ZBTB20: variants seen among roughly 807,000 people sequenced by gnomAD.
ZBTB20 encodes the protein zinc finger and BTB domain-containing protein 20.
In ZBTB20, 9 loss-of-function variants were observed where a neutral mutation model predicts 56.9. The ratio of observed to expected loss-of-function variants is 0.16; its 90% CI spans 0.10 to 0.28. The LOEUF is 0.28. Among genes scored for constraint, ZBTB20 ranks in the 10% least tolerant of loss-of-function variants. The probability of loss-of-function intolerance (pLI) is 1.00; values close to 1 mark genes in which losing one functional copy is unlikely to be tolerated. For synonymous variants in ZBTB20, 417 were observed against 420.7 expected (o/e 0.99, Z 0.11); for missense variants, 655 against 1,003.0 (o/e 0.65, Z 4.69).
intron 3 of ZBTB20, among the ~76,000 whole-genome samples, chr3:114,948,931 G>T (rs1464402434): frequency 6.9e-6 from 1 of 145,894 alleles, no homozygotes; most frequent in Non-Finnish European, 1.5e-5. Context: ...TTAACAAGCA[G>T]ATTCTAACAT....
At chr3:114,927,903 A>AT (rs1049847348) in intron 3 of ZBTB20, among the ~76,000 whole-genome samples, 1 of 152,208 alleles carries the variant, frequency 6.6e-6, no homozygotes, top group Non-Finnish European at 1.5e-5. Context: ...CTGTAAGAAA[A>AT]TTATCATTTT....
At chr3:115,129,736 C>A (rs560995199) in intron 1 of ZBTB20, among the ~76,000 whole-genome samples, 1 of 152,292 alleles carries the variant, frequency 6.6e-6, no homozygotes, top group Middle Eastern at 3.4e-3. Flanking sequence ...AGACTTCCCA[C>A]AAAATATTCC....
intron 4 of ZBTB20, among the ~76,000 whole-genome samples, chr3:114,860,811 T>C (rs987881893): frequency 8.5e-5 from 13 of 152,224 alleles, no homozygotes; most frequent in Admixed American, 1.3e-4. Flanking sequence ...AGAATAGACA[T>C]AGTCCTGTGC....
chr3:114,949,116 C>T lies in ZBTB20; in HGVS notation c.-456+25250G>A, dbSNP rs1184694580. Among the ~76,000 whole-genome samples the T allele has an allele frequency of 1.4e-5, 2 of 145,920 alleles. 1 individual carries two copies. The highest frequency in any genetic ancestry group is 5.6e-5 in the African/African-American group (2 of 35,726). Reference sequence around the variant, plus strand: ...CTGGAATAAGAGTCCAGAAATATGTCCATGAATATGTAGGCAGTACATTTA... The same window carrying T: ...CTGGAATAAGAGTCCAGAAATATGTTCATGAATATGTAGGCAGTACATTTA... On this transcript the variant is annotated intron_variant, in intron 3 of 11. Transcript: ENST00000675478.
intron 1 of ZBTB20, among the ~76,000 whole-genome samples, chr3:115,145,694 G>A (rs1171591332): frequency 2.0e-5 from 3 of 152,200 alleles, no homozygotes; most frequent in African/African-American, 7.2e-5. Flanking sequence ...GACCGGGAGT[G>A]GAGGGGGATC....
intron 2 of ZBTB20, among the ~76,000 whole-genome samples, chr3:115,005,938 C>G (rs866542027): frequency 6.6e-6 from 1 of 151,836 alleles, no homozygotes; most frequent in Non-Finnish European, 1.5e-5. Flanking sequence ...TCAATCTACT[C>G]TCTTTTTAGC....
chr3:114,729,461 TG>T (rs1200570869), intron 5 of ZBTB20, among the ~76,000 whole-genome samples: 1 of 152,198 alleles, frequency 6.6e-6, no homozygotes, highest in Admixed American at 6.5e-5. Context: ...CTTGTGTAGT[TG>T]GTGTTGCTAT....
chr3:115,132,522 T>C (rs1254115840), intron 1 of ZBTB20, among the ~76,000 whole-genome samples: 1 of 152,242 alleles, frequency 6.6e-6, no homozygotes, highest in Non-Finnish European at 1.5e-5. Context: ...CAACTGTATA[T>C]GATAAAGCCT....
At chr3:115,038,721 A>T (rs774763572) in intron 2 of ZBTB20, among the ~76,000 whole-genome samples, 1 of 152,126 alleles carries the variant, frequency 6.6e-6, no homozygotes, top group African/African-American at 2.4e-5. Context: ...GTAAACTATT[A>T]ACGTCATTAT....
rs144668563 is a variant in ZBTB20, at chr3:114,684,622, T to C, written c.-295+8906A>G. ...TCCTGCATTGCTACAAGGATGAAGG[T>C]GGGGTTATTTAAAAATTTACCAAGC... On this transcript the variant is annotated intron_variant, in intron 6 of 11. Transcript: ENST00000675478. 6 of 152,298 alleles carry C rather than the reference T, an allele frequency of 3.9e-5. No individual in the cohort carries two copies. In the South Asian group the frequency reaches 1.2e-3, roughly 32 times the overall value. The allele number at this position is 152,298 out of a possible 1,614,324, so 9.4% of individuals were successfully genotyped here. A position where few individuals can be genotyped will look rare whatever the true frequency, so the allele number is the denominator to read the frequency against.
chr3:114,992,483 A>G (rs2078856898), intron 2 of ZBTB20, among the ~76,000 whole-genome samples: 1 of 152,014 alleles, frequency 6.6e-6, no homozygotes, highest in African/African-American at 2.4e-5. Context: ...AGTTAGAATG[A>G]AAGCTATAAA....
At chr3:114,883,594 T>G (rs1472438012) in intron 4 of ZBTB20, among the ~76,000 whole-genome samples, 1 of 152,238 alleles carries the variant, frequency 6.6e-6, no homozygotes, top group African/African-American at 2.4e-5. Flanking sequence ...TGATAGTGCA[T>G]GCTCACAAGT....
chr3:115,061,154 T>C (rs2081997812), intron 2 of ZBTB20, among the ~76,000 whole-genome samples: 1 of 152,122 alleles, frequency 6.6e-6, no homozygotes, highest in African/African-American at 2.4e-5. Context: ...TTACTTTCAG[T>C]TAACACATCT....
intron 5 of ZBTB20, among the ~76,000 whole-genome samples, chr3:114,770,817 GA>G (rs1369852800): frequency 1.3e-5 from 2 of 152,092 alleles, no homozygotes; most frequent in African/African-American, 4.8e-5. Flanking sequence ...GCTTTTTTCG[GA>G]TTTTGGAATA....
intron 7 of ZBTB20, among the ~76,000 whole-genome samples, chr3:114,498,555 G>A (rs180771848): frequency 3.5e-4 from 53 of 152,292 alleles, no homozygotes; most frequent in Admixed American, 3.5e-3. Context: ...ACTGTCATAA[G>A]CCCGGTCACC....
intron 3 of ZBTB20, among the ~76,000 whole-genome samples, chr3:114,959,547 G>A (rs1056995604): frequency 2.0e-5 from 3 of 152,076 alleles, no homozygotes; most frequent in Non-Finnish European, 2.9e-5. Context: ...AAATTTGCAA[G>A]GGACACCAAC....
At chr3:114,823,671 C>A (rs1215035748) in intron 4 of ZBTB20, among the ~76,000 whole-genome samples, 1 of 151,988 alleles carries the variant, frequency 6.6e-6, no homozygotes, top group Non-Finnish European at 1.5e-5. Flanking sequence ...AAAATTTATG[C>A]CTGCAGTGCA....
At chr3:114,348,883 G>T (rs561374740) in intron 11 of ZBTB20, among the ~76,000 whole-genome samples, 1 of 152,068 alleles carries the variant, frequency 6.6e-6, no homozygotes, top group Non-Finnish European at 1.5e-5. Flanking sequence ...ACTTTTCCCT[G>T]GTAAATTATT....
intron 10 of ZBTB20, among the ~76,000 whole-genome samples, chr3:114,377,618 T>A (rs1210979045): frequency 6.6e-6 from 1 of 152,144 alleles, no homozygotes; most frequent in African/African-American, 2.4e-5. Flanking sequence ...CAGTCACCAA[T>A]ATGAGTAGTT....
Sources: gnomAD v4.1 joint callset for allele counts (sites outside exome capture counted in the v4.1 genomes callset) on GRCh38, gnomAD v4.1.1 for gene constraint, MANE v1.5 for transcripts, NCBI Gene and HGNC (gene_info 2026-07-23, HGNC 2026-07-21) for gene names.